Variants in MARF1 observed in about 807,000 individuals in gnomAD.
The protein encoded by MARF1 is limkain-b1.
MARF1 carries 24 observed loss-of-function variants against 168.2 expected under a neutral mutation model. That is an observed-to-expected ratio of 0.14 (90% CI 0.10 to 0.20). MARF1 has a LOEUF of 0.20. Among genes scored for constraint, MARF1 ranks in the 10% least tolerant of loss-of-function variants. MARF1 has a pLI of 1.00. For synonymous variants in MARF1, 868 were observed against 822.4 expected, an observed-to-expected ratio of 1.06 and a Z score of -0.95; for missense variants, 1,744 against 2,143.6, an observed-to-expected ratio of 0.81 and a Z score of 3.68.
In MARF1 at chr16:15,617,554, A is replaced by C; in HGVS notation, c.2721-19T>G. ...TCCAAACCTAAAAGCAAGAGAAGAG[A>C]GACGCTGACTTAGAAGGTTTTTCTT... On this transcript the variant is annotated intron_variant, in intron 13 of 26. Coordinates refer to ENST00000396368, the MANE Select transcript of MARF1 (RefSeq NM_014647.4). 6.5e-7 allele frequency: 1 copy of C among 1,542,150 alleles called. No individual in the cohort carries two copies. The highest frequency in any genetic ancestry group is 8.9e-7 in the Non-Finnish European group (1 of 1,124,860).
At chr16:15,608,650 T>A in intron 20 of MARF1, 132 bp from the exon 21 acceptor site, 1 of 649,584 alleles carries the variant, frequency 1.5e-6, no homozygotes, top group Non-Finnish European at 2.6e-6. Context: ...GTTTCAGTTG[T>A]GTAAGATGAA....
chr16:15,596,810 C>G lies in MARF1; in HGVS notation c.5112G>C (p.Ser1704=). The G allele has an allele frequency of 1.9e-6, 3 of 1,614,020 alleles. No individual in the cohort carries two copies. In the South Asian group the frequency reaches 3.3e-5, roughly 18 times the overall value. Reference sequence around the variant, plus strand: ...TGCTGAGCAGTGACTCGGAGGTTTCCGAGGAGGGGCAGGGAGGCACGGGGA... The same window carrying G: ...TGCTGAGCAGTGACTCGGAGGTTTCGGAGGAGGGGCAGGGAGGCACGGGGA... ...AAVPVPPCPS[S]ETSESLLSKD... is the part of the protein sequence containing the mutation. The change falls in exon 27 of 27, where the codon TCG becomes TCC. Residue 1704 remains serine (S), a synonymous_variant. Transcript: ENST00000396368.
Position 15,616,871 on chromosome 16 carries a change from G to A in MARF1, c.3077+181C>T, listed in dbSNP as rs1596469681. 1.0e-5 allele frequency: 7 copies of A among 694,118 alleles called. 1 individual carries two copies. The South Asian group carries it at 1.3e-4, about 13-fold the overall frequency. 43.0% of individuals were successfully genotyped at this position (694,118 alleles called of 1,614,324 possible). A position where few individuals can be genotyped will look rare whatever the true frequency, so the allele number is the denominator to read the frequency against. On this transcript the variant is annotated intron_variant, in intron 15 of 26. Coordinates refer to ENST00000396368, the MANE Select transcript of MARF1 (RefSeq NM_014647.4). Reference sequence around the variant, plus strand: ...TTATGGGACCACTGTCCTATATACAGTCCATGGTTGGCCAAAATTTTGTTA... The same window carrying A: ...TTATGGGACCACTGTCCTATATACAATCCATGGTTGGCCAAAATTTTGTTA...
At chr16:15,637,144 G>C (rs2035651423) in intron 2 of MARF1, among the ~76,000 whole-genome samples, 1 of 152,116 alleles carries the variant, frequency 6.6e-6, no homozygotes, top group African/African-American at 2.4e-5. Flanking sequence ...CCTACACTTT[G>C]GTTTCCTCAT....
chr16:15,627,526 GAGA>G lies in MARF1; in HGVS notation c.1525-1729_1525-1727del, dbSNP rs577595697. Among the ~76,000 whole-genome samples the G allele has an allele frequency of 1.7e-4, 26 of 152,320 alleles. No individual in the cohort carries two copies. The South Asian group carries it at 4.3e-3, about 25-fold the overall frequency. On this transcript the variant is annotated intron_variant, in intron 7 of 26. Coordinates refer to ENST00000396368, the MANE Select transcript of MARF1 (RefSeq NM_014647.4). ...CCAGCTACTCGGGAGGCTGAGGAAG[GAGA>G]ATCAATTGAACCCGGCAGGTGGAGT... is the stretch of plus-strand genomic sequence containing the variant.
intron 10 of MARF1, among the ~76,000 whole-genome samples, chr16:15,624,503 C>T (rs968469643): frequency 5.3e-5 from 8 of 152,160 alleles, no homozygotes; most frequent in Admixed American, 6.5e-5. Flanking sequence ...TTACATGCCC[C>T]CCTGCACTGG....
chr16:15,623,088 G>A lies in MARF1; in HGVS notation c.2306C>T (p.Pro769Leu), dbSNP rs573226242. The A allele has an allele frequency of 8.2e-5, 131 of 1,607,118 alleles. 1 individual carries two copies. The highest frequency in any genetic ancestry group is 5.2e-4 in the South Asian group (47 of 90,748). ...CGAATTTGCAATGTTGAAAGCAAGC[G>A]GGGATGCTCTGTTTAAAAGGTTTGG... ...MSPNLLNRAS[P>L]LAFNIANSSS... The change falls in exon 11 of 27, where the codon CCG becomes CTG. Residue 769 changes from proline to leucine, a missense_variant. This residue lies in a region of MARF1 where 270 missense variants were observed against 260.6 expected (regional missense o/e 1.04). Coordinates refer to ENST00000396368, the MANE Select transcript of MARF1 (RefSeq NM_014647.4).
At chr16:15,618,935 C>T (rs987512431) in intron 13 of MARF1, among the ~76,000 whole-genome samples, 10 of 152,162 alleles carry the variant, frequency 6.6e-5, no homozygotes, top group African/African-American at 2.4e-4. Context: ...AGGCAAAACA[C>T]TCAGAATCAA....
At chr16:15,634,695 T>C (rs2035471050) in intron 4 of MARF1, 62 bp downstream of exon 4, 5 of 1,473,862 alleles carry the variant, frequency 3.4e-6, no homozygotes, top group East Asian at 4.6e-5. Flanking sequence ...TTAAATGCAA[T>C]GTTAGTATGA....
chr16:15,625,711 A>G lies in MARF1; in HGVS notation c.1614T>C (p.Asn538=), dbSNP rs192735720. ...TGATACTCAGCACTTTCCCACCACA[A>G]TTATCGGACAGGCGTCTGAGCCTGT... ...VSNRLRRLSD[N]CGGKVLSITG... is the part of the protein sequence containing the mutation. Residue 538 remains asparagine, a synonymous_variant, in exon 8 of 27, where the codon AAT becomes AAC. Coordinates refer to ENST00000396368, the MANE Select transcript of MARF1 (RefSeq NM_014647.4). The G allele has an allele frequency of 1.5e-5, 25 of 1,614,198 alleles. No homozygotes were observed. The East Asian group carries it at 5.6e-4, about 36-fold the overall frequency.
intron 18 of MARF1, 76 bp downstream of exon 18, chr16:15,611,516 T>C (rs2033560297): frequency 1.6e-6 from 2 of 1,268,940 alleles, no homozygotes; most frequent in Non-Finnish European, 2.2e-6. Context: ...AAATACTAGA[T>C]AACTATTTAG....
intron 18 of MARF1, 144 bp from the exon 19 acceptor site, chr16:15,611,252 A>C (rs1234485763): frequency 3.6e-5 from 26 of 732,218 alleles, no homozygotes; most frequent in Non-Finnish European, 5.4e-5. Context: ...AGGTCAAGAG[A>C]TCGCGACCAT....
At chr16:15,602,306 A>C (rs2032521303) in intron 22 of MARF1, 103 bp from the exon 23 acceptor site, 6 of 871,940 alleles carry the variant, frequency 6.9e-6, no homozygotes, top group Non-Finnish European at 9.2e-6. Flanking sequence ...GTTGAAGACG[A>C]AGACAAAGAA....
chr16:15,640,380 G>A (rs1413919272), intron 1 of MARF1, among the ~76,000 whole-genome samples: 3 of 152,092 alleles, frequency 2.0e-5, no homozygotes, highest in Non-Finnish European at 4.4e-5. Context: ...TTATATCTAC[G>A]CCAGAGCAAC....
At chr16:15,630,208 A>C (rs759117658) in intron 7 of MARF1, 124 bp downstream of exon 7, 3 of 768,802 alleles carry the variant, frequency 3.9e-6, no homozygotes, top group Non-Finnish European at 5.9e-6. Context: ...CTTACTTCAA[A>C]ATCTAACCCA....
chr16:15,614,205 A>G (rs2033839913), intron 16 of MARF1, among the ~76,000 whole-genome samples: 2 of 152,200 alleles, frequency 1.3e-5, no homozygotes, highest in Non-Finnish European at 2.9e-5. Flanking sequence ...AGTTTCGGCC[A>G]GGTGCGGTGG....
At chr16:15,613,579 A>G (rs1027666343) in intron 16 of MARF1, among the ~76,000 whole-genome samples, 12 of 151,804 alleles carry the variant, frequency 7.9e-5, no homozygotes, top group Admixed American at 2.6e-4. Flanking sequence ...GGAGAATGGC[A>G]TGAACCCAGG....
At chr16:15,635,625 C>T (rs754097458) in intron 3 of MARF1, 31 bp downstream of exon 3, 2 of 1,581,320 alleles carry the variant, frequency 1.3e-6, no homozygotes, top group Non-Finnish European at 1.7e-6. Context: ...TCCTCAGCTG[C>T]ACCCAACTTA....
chr16:15,604,088 A>C lies in MARF1; in HGVS notation c.4413+80T>G, dbSNP rs1283604829. The C allele has an allele frequency of 3.6e-6, 4 of 1,112,284 alleles. No homozygotes were observed. The Middle Eastern group carries it at 6.0e-4, about 166-fold the overall frequency. The allele number at this position is 1,112,284 out of a possible 1,614,324, so 68.9% of individuals were successfully genotyped here. A position where few individuals can be genotyped will look rare whatever the true frequency, so the allele number is the denominator to read the frequency against. The stretch of plus-strand genomic sequence containing the variant: ...GGTCCCTTCCAGCTCTACACACTCT[A>C]ATCTAGACCATCAGGTAATCCGGAA... On this transcript the variant is annotated intron_variant, in intron 22 of 26. Transcript: ENST00000396368.
Sources: allele counts gnomAD v4.1 joint callset (sites outside exome capture counted in the v4.1 genomes callset), GRCh38; gene constraint gnomAD v4.1.1; regional missense constraint gnomAD v4.1.1; transcripts MANE v1.5; gene names NCBI Gene and HGNC (gene_info 2026-07-23, HGNC 2026-07-21).